Variants in DNAH6 observed in about 807,000 individuals in gnomAD.
The protein encoded by DNAH6 is dynein axonemal heavy chain 6.
Under a neutral mutation model 491.4 loss-of-function variants are expected in DNAH6, and 340 were observed. The observed-to-expected ratio is 0.69, with a 90% confidence interval of 0.63 to 0.76. DNAH6 has a LOEUF of 0.76. Ranked by LOEUF, DNAH6 falls within the 30% of genes least tolerant of loss-of-function variation. The probability of loss-of-function intolerance (pLI) is 0.00; values close to 1 mark genes in which losing one functional copy is unlikely to be tolerated. For missense variants in DNAH6, 4,443 were observed against 4,972.2 expected (o/e 0.89, Z 3.20); for synonymous variants, 1,603 against 1,686.1 (o/e 0.95, Z 1.21).
At position 84,552,890 on chromosome 2, in the gene DNAH6, T is replaced by C. The variant is rs78379014; in HGVS notation, c.1486-28T>C. On this transcript the variant is annotated intron_variant, in intron 9 of 76. Coordinates refer to ENST00000389394, the MANE Select transcript of DNAH6 (RefSeq NM_001370.2). ...TTTTAGACCTTGATACTTGTGTCTT[T>C]ATAACACTGTACATATATTCATTTC... 574 of 1,380,458 alleles carry C rather than the reference T, an allele frequency of 4.2e-4. 2 individuals are homozygous for C. The East Asian group carries it at 0.012, about 28-fold the overall frequency. The allele number at this position is 1,380,458 out of a possible 1,614,324, so 85.5% of individuals were successfully genotyped here. A position where few individuals can be genotyped will look rare whatever the true frequency, so the allele number is the denominator to read the frequency against.
chr2:84,771,544 G>A (rs888505170), intron 64 of DNAH6, among the ~76,000 whole-genome samples: 7 of 152,014 alleles, frequency 4.6e-5, no homozygotes, highest in African/African-American at 1.7e-4. Context: ...ACTATCAAAA[G>A]ACCAGACAAA....
intron 42 of DNAH6, among the ~76,000 whole-genome samples, chr2:84,682,217 G>T (rs530439028): frequency 1.1e-4 from 17 of 152,262 alleles, no homozygotes. Context: ...CAGATCCACT[G>T]GTCAGCTCTC....
In DNAH6 at chr2:84,754,147, C is replaced by G. The variant is rs115242657; in HGVS notation, c.10513-8608C>G. 5.3e-3 allele frequency among the ~76,000 whole-genome samples: 786 copies of G among 149,428 alleles called. 8 individuals carry two copies. The highest frequency in any genetic ancestry group is 0.018 in the African/African-American group (747 of 40,722). On this transcript the variant is annotated intron_variant, in intron 63 of 76. Transcript: ENST00000389394. ...TTGAGTTAATTTTTGTATATGATGT[C>G]AAGTGTGAAGTAAGAGTCCAACATT...
chr2:84,801,588 A>C (rs933270251), intron 70 of DNAH6, among the ~76,000 whole-genome samples: 1 of 152,196 alleles, frequency 6.6e-6, no homozygotes, highest in African/African-American at 2.4e-5. Context: ...ATTCTTAAAG[A>C]AAAGAAATTC....
chr2:84,734,400 A>G (rs543344884), intron 62 of DNAH6, among the ~76,000 whole-genome samples: 1 of 152,212 alleles, frequency 6.6e-6, no homozygotes, highest in African/African-American at 2.4e-5. Context: ...TCGGCCTCCC[A>G]AAGTGCTGGG....
intron 14 of DNAH6, 77 bp from the exon 15 acceptor site, chr2:84,583,922 T>G (rs1376746481): frequency 1.4e-6 from 2 of 1,440,170 alleles, no homozygotes; most frequent in African/African-American, 2.8e-5. Context: ...GTACAGTGTC[T>G]GTCTCCTGTT....
chr2:84,581,258 G>A (rs1682994673), intron 14 of DNAH6, among the ~76,000 whole-genome samples: 1 of 152,182 alleles, frequency 6.6e-6, no homozygotes, highest in Non-Finnish European at 1.5e-5. Flanking sequence ...CATAGACTGT[G>A]TCCCATCTCC....
At chr2:84,505,361 C>T in the DNAH6 span, among the ~76,000 whole-genome samples, 1 of 151,998 alleles carries the variant, frequency 6.6e-6, no homozygotes, top group African/African-American at 2.4e-5. Flanking sequence ...ACTAATTTCC[C>T]TGGTTTGAAA....
At chr2:84,616,132 G>A (rs1054532239) in intron 22 of DNAH6, among the ~76,000 whole-genome samples, 1 of 152,004 alleles carries the variant, frequency 6.6e-6, no homozygotes, top group Admixed American at 6.6e-5. Flanking sequence ...AGAATATTCT[G>A]TGCTGATGAA....
intron 68 of DNAH6, among the ~76,000 whole-genome samples, chr2:84,791,571 G>A (rs1677749693): frequency 6.6e-6 from 1 of 151,394 alleles, no homozygotes; most frequent in African/African-American, 2.4e-5. Context: ...TCTTTTGGGG[G>A]GAAATGGAAA....
intron 29 of DNAH6, among the ~76,000 whole-genome samples, chr2:84,626,513 C>T (rs976421319): frequency 6.6e-6 from 1 of 152,078 alleles, no homozygotes; most frequent in African/African-American, 2.4e-5. Context: ...ATCACAAACC[C>T]CTGCCATTCA....
Position 84,670,430 on chromosome 2 carries a change from G to A in DNAH6, c.6409G>A (p.Glu2137Lys), listed in dbSNP as rs1352934760. The A allele has an allele frequency of 2.6e-6, 4 of 1,544,672 alleles. No homozygotes were observed. The highest frequency in any genetic ancestry group is 2.6e-6 in the Non-Finnish European group (3 of 1,144,150). ...TCAAACTTCATCTGCAAGGACACAA[G>A]AGATCATTGAGTCAAAACTGGAGAG... ...SAQTSSARTQ[E>K]IIESKLERKR... The change falls in exon 39 of 77, where the codon GAG becomes AAG. Residue 2137 changes from glutamate to lysine, a missense_variant. Around this residue, in one of 3 missense-constraint regions of DNAH6, gnomAD observed 2,977 missense variants for 3,296.6 expected, o/e 0.90. Coordinates refer to ENST00000389394, the MANE Select transcript of DNAH6 (RefSeq NM_001370.2).
intron 14 of DNAH6, among the ~76,000 whole-genome samples, chr2:84,583,695 T>C (rs1282484111): frequency 6.6e-6 from 1 of 152,200 alleles, no homozygotes; most frequent in African/African-American, 2.4e-5. Context: ...TCTCATGATA[T>C]CTGATGGTCT....
At chr2:84,621,751 A>G (rs376560544) in intron 26 of DNAH6, among the ~76,000 whole-genome samples, 200 bp downstream of exon 26, 1 of 152,158 alleles carries the variant, frequency 6.6e-6, no homozygotes, top group Non-Finnish European at 1.5e-5. Flanking sequence ...TTTGTGTAGT[A>G]TTTATGTGAA....
At chr2:84,683,683 A>G (rs561364848) in intron 42 of DNAH6, among the ~76,000 whole-genome samples, 3 of 152,072 alleles carry the variant, frequency 2.0e-5, no homozygotes, top group Non-Finnish European at 2.9e-5. Context: ...TCGGCCTCCC[A>G]AAGTGCTGGG....
At chr2:84,728,121 G>A (rs934805828) in intron 61 of DNAH6, among the ~76,000 whole-genome samples, 7 of 152,148 alleles carry the variant, frequency 4.6e-5, no homozygotes, top group African/African-American at 7.2e-5. Context: ...TTTTCACTTC[G>A]TTTTCATTCT....
At chr2:84,514,127 T>A (rs1206491211), upstream of DNAH6, among the ~76,000 whole-genome samples, 1 of 152,212 alleles carries the variant, frequency 6.6e-6, no homozygotes, top group African/African-American at 2.4e-5. Flanking sequence ...CACCCACAGC[T>A]TCCATGTTAT....
chr2:84,573,672 G>A, intron 12 of DNAH6, 85 bp downstream of exon 12: 1 of 1,240,124 alleles, frequency 8.1e-7, no homozygotes, highest in Non-Finnish European at 1.1e-6. Flanking sequence ...GGTGGTGTCT[G>A]GGGACACAAA....
chr2:84,777,545 A>G (rs188304702), intron 64 of DNAH6: 22 of 766,826 alleles, frequency 2.9e-5, no homozygotes, highest in African/African-American at 2.0e-4. Flanking sequence ...AGCACTCTCA[A>G]CCACCTACTT....
Sources: allele counts gnomAD v4.1 joint callset (sites outside exome capture counted in the v4.1 genomes callset), GRCh38; gene constraint gnomAD v4.1.1; regional missense constraint gnomAD v4.1.1; transcripts MANE v1.5; gene names NCBI Gene and HGNC (gene_info 2026-07-23, HGNC 2026-07-21).